The following HAPSTR1 variants were observed in gnomAD, a reference collection of about 807,000 sequenced individuals.
HAPSTR1 encodes HUWE1 associated protein modifying stress responses, also known as HUWE1-associated protein modifying stress responses 1.
chr16:9,106,734 G>A, the HAPSTR1 span: 2 of 151,976 alleles, frequency 1.3e-5, no homozygotes, highest in Non-Finnish European at 2.9e-5. Flanking sequence ...ATTCACAGAG[G>A]AATTAAAGAG....
At chr16:9,113,214 A>G in the HAPSTR1 span, 1 of 151,462 alleles carries the variant, frequency 6.6e-6, no homozygotes, top group Non-Finnish European at 1.5e-5. Context: ...ATTATTTTTG[A>G]CCCTTGTGAA....
the HAPSTR1 span, chr16:9,103,213 T>C: frequency 5.0e-6 from 8 of 1,614,212 alleles, no homozygotes; most frequent in East Asian, 1.3e-4. Flanking sequence ...CTAGCTCATC[T>C]GTAGAGACTG....
the HAPSTR1 span, chr16:9,121,568 C>T: frequency 1.2e-5 from 1 of 81,252 alleles, no homozygotes; most frequent in Admixed American, 1.2e-4. Context: ...GTAAGTTTGC[C>T]TCTCTGGGCT....
At chr16:9,113,514 T>G in the HAPSTR1 span, among the ~76,000 whole-genome samples, 1 of 152,194 alleles carries the variant, frequency 6.6e-6, no homozygotes, top group Non-Finnish European at 1.5e-5. Flanking sequence ...ATATTTGTTG[T>G]TAGGTATTAA....
the HAPSTR1 span, among the ~76,000 whole-genome samples, chr16:9,116,140 T>C: frequency 6.6e-6 from 1 of 152,202 alleles, no homozygotes; most frequent in Non-Finnish European, 1.5e-5. Flanking sequence ...CTTTTCGGGC[T>C]CAACAGTAAT....
chr16:9,093,049 G>A, the HAPSTR1 span: 1 of 1,531,482 alleles, frequency 6.5e-7, no homozygotes, highest in East Asian at 2.3e-5. Context: ...GGCCGCCTGC[G>A]TCAGGGTGTC....
At chr16:9,120,537 A>G in the HAPSTR1 span, 1 of 152,074 alleles carries the variant, frequency 6.6e-6, no homozygotes, top group Admixed American at 6.5e-5. Flanking sequence ...TGACGTAGCA[A>G]GTCAAGTTTT....
chr16:9,114,437 C>T, the HAPSTR1 span, among the ~76,000 whole-genome samples: 2 of 152,060 alleles, frequency 1.3e-5, no homozygotes, highest in Non-Finnish European at 2.9e-5. Context: ...AGGGAAGGAG[C>T]CTCATAAGGG....
chr16:9,094,596 G>C, the HAPSTR1 span, among the ~76,000 whole-genome samples: 24,676 of 151,926 alleles, frequency 0.16, 2,143 homozygotes, highest in Non-Finnish European at 0.19. Context: ...TAAATAGAAT[G>C]GTGCAGTCCT....
chr16:9,094,052 C>T, the HAPSTR1 span, among the ~76,000 whole-genome samples: 4 of 151,988 alleles, frequency 2.6e-5, no homozygotes, highest in Non-Finnish European at 5.9e-5. Context: ...GCTTGACTGT[C>T]AAGTTGTTAA....
the HAPSTR1 span, among the ~76,000 whole-genome samples, chr16:9,094,360 G>A: frequency 1.3e-5 from 2 of 152,064 alleles, no homozygotes; most frequent in Admixed American, 6.6e-5. Flanking sequence ...TGACGGTCTT[G>A]AACGTTTTGG....
At chr16:9,116,372 C>G in the HAPSTR1 span, among the ~76,000 whole-genome samples, 1 of 152,148 alleles carries the variant, frequency 6.6e-6, no homozygotes, top group Non-Finnish European at 1.5e-5. Flanking sequence ...GTACCTACCT[C>G]ATAGATGGGA....
the HAPSTR1 span, among the ~76,000 whole-genome samples, chr16:9,101,108 G>C: frequency 2.6e-5 from 4 of 152,302 alleles, no homozygotes; most frequent in East Asian, 3.9e-4. Flanking sequence ...GATAAGTTTA[G>C]TTGGTCAATG....
chr16:9,104,067 C>T, the HAPSTR1 span: 1 of 151,406 alleles, frequency 6.6e-6, no homozygotes, highest in Non-Finnish European at 1.5e-5. Context: ...ATGGATCACG[C>T]AGATGGCTAA....
At chr16:9,103,686 T>C in the HAPSTR1 span, 1 of 162,168 alleles carries the variant, frequency 6.2e-6, no homozygotes, top group South Asian at 1.6e-4. Context: ...GGGACCTCCC[T>C]TGACACCTTT....
At chr16:9,106,792 A>G in the HAPSTR1 span, 1 of 152,238 alleles carries the variant, frequency 6.6e-6, no homozygotes, top group East Asian at 1.9e-4. Flanking sequence ...TTGTTATCCT[A>G]TAATAATGTT....
the HAPSTR1 span, chr16:9,116,968 T>A: frequency 6.3e-7 from 1 of 1,595,248 alleles, no homozygotes; most frequent in African/African-American, 1.3e-5. Context: ...ATCCTCAACA[T>A]ATACTATAAT....
At chr16:9,107,911 T>C in the HAPSTR1 span, 1 of 152,152 alleles carries the variant, frequency 6.6e-6, no homozygotes, top group African/African-American at 2.4e-5. Flanking sequence ...GAACCTGACA[T>C]AGGTGTAGTC....
chr16:9,093,434 T>C, the HAPSTR1 span, among the ~76,000 whole-genome samples: 30 of 152,090 alleles, frequency 2.0e-4, no homozygotes, highest in African/African-American at 7.0e-4. Context: ...AAGATAAGAG[T>C]TGATGTTTTT....
Sources: allele counts gnomAD v4.1 joint callset (sites outside exome capture counted in the v4.1 genomes callset), GRCh38; gene constraint gnomAD v4.1.1; transcripts MANE v1.5; gene names NCBI Gene and HGNC (gene_info 2026-07-23, HGNC 2026-07-21).